KCNG3: variants seen among roughly 807,000 people sequenced by gnomAD.
KCNG3 encodes potassium voltage-gated channel modifier subfamily G member 3.
Under a neutral mutation model 29.0 loss-of-function variants are expected in KCNG3, and 15 were observed. The ratio of observed to expected loss-of-function variants is 0.52; its 90% CI spans 0.35 to 0.80. The LOEUF (loss-of-function observed/expected upper bound fraction) is 0.80, where lower values mean the gene tolerates loss of function less well. Ranked by LOEUF, KCNG3 falls within the 30% of genes least tolerant of loss-of-function variation. The pLI is 0.01. For missense variants in KCNG3, 512 were observed against 605.7 expected (o/e 0.85, Z 1.62); for synonymous variants, 322 against 248.9 (o/e 1.29, Z -2.76).
chr2:42,399,872 A>T, the KCNG3 span, among the ~76,000 whole-genome samples: 2 of 152,022 alleles, frequency 1.3e-5, no homozygotes, highest in African/African-American at 4.8e-5. Flanking sequence ...CCAGGGTCTG[A>T]CTCCTGCCTT....
the KCNG3 span, among the ~76,000 whole-genome samples, chr2:42,425,956 ATG>A: frequency 6.6e-6 from 1 of 152,266 alleles, no homozygotes; most frequent in Admixed American, 6.5e-5. Context: ...AGATAGTAGC[ATG>A]TATTTAGTAT....
chr2:42,422,221 T>C, the KCNG3 span, among the ~76,000 whole-genome samples: 1 of 152,136 alleles, frequency 6.6e-6, no homozygotes, highest in Non-Finnish European at 1.5e-5. Context: ...GTGGGACCTT[T>C]AAGGGGTGAT....
chr2:42,402,939 G>T, the KCNG3 span, among the ~76,000 whole-genome samples: 4 of 152,172 alleles, frequency 2.6e-5, no homozygotes, highest in Non-Finnish European at 5.9e-5. Context: ...GGGAATTTTT[G>T]TTAGGATCAC....
intron 1 of KCNG3, among the ~76,000 whole-genome samples, chr2:42,471,498 G>GA (rs1673287442): frequency 1.3e-5 from 2 of 152,176 alleles, no homozygotes; most frequent in Non-Finnish European, 2.9e-5. Flanking sequence ...CGAGGAGGGG[G>GA]AACAGGGTGT....
chr2:42,452,925 G>A (rs753504792), intron 1 of KCNG3, among the ~76,000 whole-genome samples: 3 of 152,272 alleles, frequency 2.0e-5, no homozygotes, highest in Middle Eastern at 3.4e-3. Context: ...GGGACTACAG[G>A]TGCATGCTAC....
chr2:42,427,829 G>A, the KCNG3 span, among the ~76,000 whole-genome samples: 1 of 151,974 alleles, frequency 6.6e-6, no homozygotes, highest in Non-Finnish European at 1.5e-5. Flanking sequence ...GTTAAAAACG[G>A]CCTAAAAGTT....
rs1301012895 is a variant in KCNG3, at chr2:42,470,363, A to C, written c.665+22474T>G. 4.8e-4 allele frequency: 108 copies of C among 225,938 alleles called. 2 individuals carry two copies. Among genetic ancestry groups the C allele is most frequent in the South Asian group, 6.6e-5 (1 of 15,064 alleles). The allele number at this position is 225,938 out of a possible 1,614,324, so 14.0% of individuals were successfully genotyped here. A position where few individuals can be genotyped will look rare whatever the true frequency, so the allele number is the denominator to read the frequency against. On this transcript the variant is annotated intron_variant, in intron 1 of 1. Transcript: ENST00000306078. ...AAAACACCATAAACAAAGTAAAAAT[A>C]CCAGCCACAGTCAGAAAGATATTTG...
At chr2:42,483,032 G>T (rs1368747944) in intron 1 of KCNG3, among the ~76,000 whole-genome samples, 1 of 151,138 alleles carries the variant, frequency 6.6e-6, no homozygotes, top group Admixed American at 6.6e-5. Context: ...ACAGTGGGAG[G>T]ATCGCCAGAG....
At chr2:42,395,240 G>T in the KCNG3 span, among the ~76,000 whole-genome samples, 67 of 152,266 alleles carry the variant, frequency 4.4e-4, no homozygotes, top group African/African-American at 1.5e-3. Flanking sequence ...AAAGCACATG[G>T]AGAAGTGGTC....
chr2:42,397,994 C>G, the KCNG3 span, among the ~76,000 whole-genome samples: 4 of 152,066 alleles, frequency 2.6e-5, no homozygotes, highest in Non-Finnish European at 5.9e-5. Context: ...GAGGCCGAGG[C>G]AGGCAGAGCA....
In KCNG3 at chr2:42,493,891, C is replaced by T; in HGVS notation, c.-390G>A. On this transcript the variant is annotated 5_prime_UTR_variant, in exon 1 of 2. Coordinates refer to ENST00000306078, the MANE Select transcript of KCNG3 (RefSeq NM_133329.6). ...GAGGGCTGCGGGCGCCGAATGGAGC[C>T]GCCGGGGCGGAATAGCTCCCCGTCT... 1 of 169,666 alleles carries T rather than the reference C, an allele frequency of 5.9e-6. No individual in the cohort carries two copies. The highest frequency in any genetic ancestry group is 1.6e-4 in the East Asian group (1 of 6,226). The allele number at this position is 169,666 out of a possible 1,614,324, so 10.5% of individuals were successfully genotyped here.
the KCNG3 span, among the ~76,000 whole-genome samples, chr2:42,407,320 C>T: frequency 6.6e-6 from 1 of 151,970 alleles, no homozygotes; most frequent in African/African-American, 2.4e-5. Context: ...GAACTACAGG[C>T]GTGCGCCACC....
chr2:42,428,473 A>G, the KCNG3 span, among the ~76,000 whole-genome samples: 1 of 149,680 alleles, frequency 6.7e-6, no homozygotes, highest in African/African-American at 2.5e-5. Flanking sequence ...AAAAAAAAAA[A>G]AAAAAGAAAA....
chr2:42,446,139 GC>G (rs906432895), intron 1 of KCNG3, among the ~76,000 whole-genome samples: 7 of 151,956 alleles, frequency 4.6e-5, no homozygotes, highest in African/African-American at 1.7e-4. Flanking sequence ...GGCCCTGTGA[GC>G]TGTAATTTGA....
intron 1 of KCNG3, among the ~76,000 whole-genome samples, chr2:42,475,782 C>T (rs187024693): frequency 4.9e-4 from 74 of 152,028 alleles, no homozygotes; most frequent in African/African-American, 1.6e-3. Flanking sequence ...TTAATAAAAT[C>T]GGGCCAAGCA....
Position 42,444,961 on chromosome 2 carries a change from G to A in KCNG3, c.666-382C>T, listed in dbSNP as rs145031215. Among the ~76,000 whole-genome samples the A allele has an allele frequency of 6.1e-3, 929 of 151,854 alleles. 14 individuals are homozygous for A. The highest frequency in any genetic ancestry group is 0.022 in the African/African-American group (892 of 41,396). ...CACACCTGTAGTACCACCTACCTGGGAGGCTAAGGTGGGAGGATCACCTGA... is the reference window on the plus strand; with the variant it reads ...CACACCTGTAGTACCACCTACCTGGAAGGCTAAGGTGGGAGGATCACCTGA... On this transcript the variant is annotated intron_variant, in intron 1 of 1. Transcript: ENST00000306078. This position sits in a 1 kb window ranked among gnomAD's most constrained non-coding sequence, Gnocchi z 5.8.
At chr2:42,480,436 A>G (rs181202137) in intron 1 of KCNG3, among the ~76,000 whole-genome samples, 5 of 152,212 alleles carry the variant, frequency 3.3e-5, no homozygotes, top group Non-Finnish European at 5.9e-5. Flanking sequence ...AATGTTTCCT[A>G]TAAAGGGCCA....
intron 1 of KCNG3, among the ~76,000 whole-genome samples, chr2:42,477,983 G>A (rs1284632029): frequency 5.3e-5 from 8 of 152,034 alleles, no homozygotes; most frequent in Admixed American, 2.6e-4. Context: ...TGAGTGAGAG[G>A]AGTGTTTTTC....
At chr2:42,458,686 C>T (rs1342372130) in intron 1 of KCNG3, among the ~76,000 whole-genome samples, 1 of 152,018 alleles carries the variant, frequency 6.6e-6, no homozygotes, top group African/African-American at 2.4e-5. Context: ...GGAGTGTCTG[C>T]AGTGTAGCCC....
Sources: gnomAD v4.1 joint callset for allele counts (sites outside exome capture counted in the v4.1 genomes callset) on GRCh38, gnomAD v4.1.1 for gene constraint, Gnocchi (gnomAD v3.1) non-coding constraint, MANE v1.5 for transcripts, NCBI Gene and HGNC (gene_info 2026-07-23, HGNC 2026-07-21) for gene names.